The following PHLPP1 variants were observed in gnomAD, a reference collection of about 807,000 sequenced individuals.
The protein encoded by PHLPP1 is PH domain leucine-rich repeat-containing protein phosphatase 1.
PHLPP1 carries 42 observed loss-of-function variants against 117.2 expected under a neutral mutation model. The ratio of observed to expected loss-of-function variants is 0.36; its 90% CI spans 0.28 to 0.46. The LOEUF (loss-of-function observed/expected upper bound fraction) is 0.46. Ranked by LOEUF, PHLPP1 falls within the 20% of genes least tolerant of loss-of-function variation. The pLI, the probability that PHLPP1 is intolerant of heterozygous loss-of-function variation, is 1.00. For missense variants in PHLPP1, 2,084 were observed against 2,241.9 expected, an observed-to-expected ratio of 0.93 and a Z score of 1.42; for synonymous variants, 1,042 against 970.7, an observed-to-expected ratio of 1.07 and a Z score of -1.37.
In PHLPP1 at chr18:62,945,235, G is replaced by A. The variant is rs771194339; in HGVS notation, c.3288G>A (p.Glu1096=). Residue 1096 remains glutamate, a synonymous_variant, in exon 12 of 17, where the codon GAG becomes GAA. Transcript: ENST00000262719. ...TGATTGCTCACTCCAACTGCATCGA[G>A]GTCTTTCCCGAAGTTATGCAGCTCC... ...HTVIAHSNCI[E]VFPEVMQLPE... is the part of the protein sequence containing the mutation. 1.9e-6 allele frequency: 3 copies of A among 1,608,014 alleles called. No homozygotes were observed. Among genetic ancestry groups the A allele is most frequent in the East Asian group, 4.5e-5 (2 of 44,450 alleles).
intron 4 of PHLPP1, among the ~76,000 whole-genome samples, chr18:62,883,086 T>C (rs995598627): frequency 1.3e-5 from 2 of 152,056 alleles, no homozygotes; most frequent in Non-Finnish European, 2.9e-5. Context: ...AGGATCCAAA[T>C]GTAAAAAATA....
chr18:62,875,563 G>C lies in PHLPP1; in HGVS notation c.2066+14962G>C, dbSNP rs1766869339. Among the ~76,000 whole-genome samples the C allele has an allele frequency of 2.0e-5, 3 of 151,914 alleles. No homozygotes were observed. In the South Asian group the frequency reaches 6.2e-4, roughly 32 times the overall value. On this transcript the variant is annotated intron_variant, in intron 4 of 16. Coordinates refer to ENST00000262719, the MANE Select transcript of PHLPP1 (RefSeq NM_194449.4). ...GGGCAGGAATCAAGTCCCCCTCAGA[G>C]GTCATTACTGTTGCTAGGTGAGCAT... is the stretch of plus-strand genomic sequence containing the variant.
At position 62,716,674 on chromosome 18, in the gene PHLPP1, G is replaced by T; in HGVS notation, c.991G>T (p.Gly331Trp). The T allele has an allele frequency of 2.8e-6, 4 of 1,450,702 alleles. No individual in the cohort carries two copies. The African/African-American group carries it at 4.4e-5, about 16-fold the overall frequency. The allele number at this position is 1,450,702 out of a possible 1,614,324, so 89.9% of individuals were successfully genotyped here. The change falls in exon 1 of 17, where the codon GGG becomes TGG. Residue 331 changes from glycine (G) to tryptophan (W), a missense_variant. Physicochemically the swap from Gly to Trp is radical, Grantham distance 184 (BLOSUM62 -2). Around this residue, in one of 2 missense-constraint regions of PHLPP1, gnomAD observed 719 missense variants for 636.0 expected, o/e 1.13. Coordinates refer to ENST00000262719, the MANE Select transcript of PHLPP1 (RefSeq NM_194449.4). The surrounding 1 kb of genome is among the most constrained non-coding windows in gnomAD (Gnocchi z 5.7). ...CTCCAGCCCCGGCGAGCCGTTCGTT[G>T]GGGGCCCTGTCTCTTCGCCCCGCGC... ...SDSSPGEPFV[G>W]GPVSSPRAPR...
At position 62,716,108 on chromosome 18, in the gene PHLPP1, C is replaced by T. The variant is rs1443786624; in HGVS notation, c.425C>T (p.Ser142Leu). 2 of 1,506,526 alleles carry T rather than the reference C, an allele frequency of 1.3e-6. No homozygotes were observed. The highest frequency in any genetic ancestry group is 1.8e-6 in the Non-Finnish European group (2 of 1,135,338). The allele number at this position is 1,506,526 out of a possible 1,614,324, so 93.3% of individuals were successfully genotyped here. A position where few individuals can be genotyped will look rare whatever the true frequency, so the allele number is the denominator to read the frequency against. ...AAAAAASSSS[S>L]SSAAAASHSP... Reference sequence around the variant, plus strand: ...GCCGCGGCCGCCTCCTCGTCGTCGTCGTCCTCGGCCGCTGCTGCCTCGCAC... The same window carrying T: ...GCCGCGGCCGCCTCCTCGTCGTCGTTGTCCTCGGCCGCTGCTGCCTCGCAC... Residue 142 changes from serine (S) to leucine (L), a missense_variant, in exon 1 of 17, where the codon TCG becomes TTG. Around this residue, in one of 2 missense-constraint regions of PHLPP1, gnomAD observed 719 missense variants for 636.0 expected, o/e 1.13. Transcript: ENST00000262719. The surrounding 1 kb of genome is among the most constrained non-coding windows in gnomAD (Gnocchi z 5.7).
intron 1 of PHLPP1, among the ~76,000 whole-genome samples, chr18:62,724,479 A>G (rs1911011284): frequency 6.6e-6 from 1 of 152,186 alleles, no homozygotes; most frequent in East Asian, 1.9e-4. Flanking sequence ...CAACATCTGT[A>G]TTTTTATAGA....
In PHLPP1 at chr18:62,716,573, C is replaced by A; in HGVS notation, c.890C>A (p.Ala297Glu). The change falls in exon 1 of 17, where the codon GCG (alanine) becomes GAG (glutamate). Residue 297 changes from alanine (A) to glutamate (E), a missense_variant. Around this residue, in one of 2 missense-constraint regions of PHLPP1, gnomAD observed 719 missense variants for 636.0 expected, o/e 1.13. Coordinates refer to ENST00000262719, the MANE Select transcript of PHLPP1 (RefSeq NM_194449.4). This position sits in a 1 kb window ranked among gnomAD's most constrained non-coding sequence, Gnocchi z 5.7. ...GGTGCCTTCGGGGGGCCTCCGCGCG[C>A]GCCCCCCGCCGACCTACCCCTGCCC... The part of the protein sequence containing the change: ...APGAFGGPPR[A>E]PPADLPLPVG... The A allele has an allele frequency of 8.3e-7, 1 of 1,205,690 alleles. No homozygotes were observed. Among genetic ancestry groups the A allele is most frequent in the Non-Finnish European group, 1.0e-6 (1 of 971,572 alleles). 74.7% of individuals were successfully genotyped at this position (1,205,690 alleles called of 1,614,324 possible). A position where few individuals can be genotyped will look rare whatever the true frequency, so the allele number is the denominator to read the frequency against.
intron 8 of PHLPP1, chr18:62,906,354 ACG>A (rs1916846859): frequency 6.6e-6 from 1 of 152,512 alleles, no homozygotes. Flanking sequence ...AGCGTGAGCG[ACG>A]CAGAAGACGG....
chr18:62,882,050 C>T (rs1916185869), intron 4 of PHLPP1, among the ~76,000 whole-genome samples: 3 of 152,182 alleles, frequency 2.0e-5, no homozygotes, highest in Admixed American at 2.0e-4. Flanking sequence ...CAGCCTCTCT[C>T]ATGCATTTTA....
chr18:62,874,657 GCACACACACACACA>G (rs71340125), intron 4 of PHLPP1, among the ~76,000 whole-genome samples: 25 of 147,722 alleles, frequency 1.7e-4, no homozygotes, highest in Non-Finnish European at 2.2e-4. Flanking sequence ...ACGCACGCGC[GCACACACACACACA>G]CACACACACA....
chr18:62,941,439 C>T (rs899789294), intron 10 of PHLPP1, among the ~76,000 whole-genome samples: 2 of 152,128 alleles, frequency 1.3e-5, no homozygotes, highest in Non-Finnish European at 2.9e-5. Flanking sequence ...TCTTCCACTC[C>T]CCGCCAACTA....
intron 1 of PHLPP1, among the ~76,000 whole-genome samples, chr18:62,752,988 T>C (rs1911905852): frequency 6.6e-6 from 1 of 152,168 alleles, no homozygotes; most frequent in Admixed American, 6.5e-5. Context: ...TGACATACAT[T>C]TAAAAATTAT....
In PHLPP1 at chr18:62,972,688, T is replaced by C. The variant is rs766407936; in HGVS notation, c.3735T>C (p.Asn1245=). The C allele has an allele frequency of 3.7e-6, 6 of 1,612,762 alleles. No homozygotes were observed. Among genetic ancestry groups the C allele is most frequent in the Non-Finnish European group, 2.5e-6 (3 of 1,178,824 alleles). The change falls in exon 15 of 17, where the codon AAT becomes AAC. Residue 1245 remains asparagine (N), a synonymous_variant. Coordinates refer to ENST00000262719, the MANE Select transcript of PHLPP1 (RefSeq NM_194449.4). ...AAAACGAAGAAGAATACATGGTCAA[T>C]ACATTCATTGTCATGCAAAGGTAAA... ...KTKNEEEYMV[N]TFIVMQRKLG... is the part of the protein sequence containing the mutation.
At chr18:62,900,320 TAAATAAA>T (rs2144404229) in intron 6 of PHLPP1, among the ~76,000 whole-genome samples, 2 of 30,326 alleles carry the variant, frequency 6.6e-5, no homozygotes, top group East Asian at 1.0e-3. Context: ...AATAAATAAA[TAAATAAA>T]TAAATAAATA....
Position 62,822,892 on chromosome 18 carries a change from G to A in PHLPP1, c.1577-7143G>A, listed in dbSNP as rs370490449. On this transcript the variant is annotated intron_variant, in intron 1 of 16. Coordinates refer to ENST00000262719, the MANE Select transcript of PHLPP1 (RefSeq NM_194449.4). ...ACTCAGTTTTATTGCAGGTACCAAG[G>A]CAATTCAGTAGGAATTTCACCAGTG... 2.0e-5 allele frequency among the ~76,000 whole-genome samples: 3 copies of A among 152,242 alleles called. No homozygotes were observed. In the East Asian group the frequency reaches 5.8e-4, roughly 29 times the overall value.
At chr18:62,826,162 T>G (rs985800560) in intron 1 of PHLPP1, 6 of 328,040 alleles carry the variant, frequency 1.8e-5, no homozygotes, top group South Asian at 7.4e-5. Context: ...TTATTTGTTT[T>G]TTTTTTTCTG....
intron 11 of PHLPP1, among the ~76,000 whole-genome samples, chr18:62,942,732 A>G (rs1447756925): frequency 6.6e-6 from 1 of 152,052 alleles, no homozygotes; most frequent in East Asian, 1.9e-4. Context: ...AAAGAAACAA[A>G]CACTAACCCT....
At chr18:62,864,480 G>C (rs1046285252) in intron 4 of PHLPP1, among the ~76,000 whole-genome samples, 1 of 152,236 alleles carries the variant, frequency 6.6e-6, no homozygotes, top group Non-Finnish European at 1.5e-5. Flanking sequence ...GTCACAAAGC[G>C]TAGGTCTGGC....
At chr18:62,760,234 C>CA (rs1912172142) in intron 1 of PHLPP1, among the ~76,000 whole-genome samples, 1 of 152,128 alleles carries the variant, frequency 6.6e-6, no homozygotes, top group Non-Finnish European at 1.5e-5. Context: ...ACACCAGGCC[C>CA]ACATTCCTGC....
chr18:62,972,792 A>G, intron 15 of PHLPP1, 84 bp downstream of exon 15: 1 of 1,012,550 alleles, frequency 9.9e-7, no homozygotes, highest in Non-Finnish European at 1.5e-6. Flanking sequence ...GCAGGTGCCC[A>G]ATGGTCTCCA....
Sources: gnomAD v4.1 joint callset for allele counts (sites outside exome capture counted in the v4.1 genomes callset) on GRCh38, gnomAD v4.1.1 for gene constraint, gnomAD v4.1.1 regional missense constraint, Gnocchi (gnomAD v3.1) non-coding constraint, MANE v1.5 for transcripts, NCBI Gene and HGNC (gene_info 2026-07-23, HGNC 2026-07-21) for gene names.